The following SEZ6L variants were observed in gnomAD, a reference collection of about 807,000 sequenced individuals.
The protein encoded by SEZ6L is seizure 6-like protein.
A neutral mutation model predicts 106.2 loss-of-function variants in SEZ6L; 37 were observed. The observed-to-expected ratio is 0.35, with a 90% CI of 0.27 to 0.46. The LOEUF (loss-of-function observed/expected upper bound fraction) is 0.46. SEZ6L is among the 20% of genes least tolerant of loss of function. The pLI is 1.00. For missense variants in SEZ6L, 1,172 were observed against 1,332.8 expected, an observed-to-expected ratio of 0.88 and a Z score of 1.88; for synonymous variants, 541 against 570.4, an observed-to-expected ratio of 0.95 and a Z score of 0.73.
intron 1 of SEZ6L, among the ~76,000 whole-genome samples, chr22:26,285,142 C>T (rs1211942396): frequency 6.6e-6 from 1 of 152,146 alleles, no homozygotes; most frequent in East Asian, 1.9e-4. Context: ...AAGGTCTTCT[C>T]AAAGTGCAAA....
intron 10 of SEZ6L, among the ~76,000 whole-genome samples, chr22:26,342,482 G>T (rs528061112): frequency 6.6e-6 from 1 of 151,870 alleles, no homozygotes; most frequent in Admixed American, 6.5e-5. Flanking sequence ...GAGGTCAGGA[G>T]ATCGAGACCA....
rs532489065 is a variant in SEZ6L at position 26,382,255 on chromosome 22, A to T, written c.*1960A>T. On this transcript the variant is annotated 3_prime_UTR_variant, in exon 17 of 17. Transcript: ENST00000248933. Reference sequence around the variant, plus strand: ...TTGGAGAAAGATAACAACACAAATAATGTAACCTTTCCTTAAAAGGCAGAA... The same window carrying T: ...TTGGAGAAAGATAACAACACAAATATTGTAACCTTTCCTTAAAAGGCAGAA... 9.1e-5 allele frequency: 20 copies of T among 220,690 alleles called. No homozygotes were observed. The highest frequency in any genetic ancestry group is 3.4e-3 in the Middle Eastern group (2 of 596). 13.7% of individuals were successfully genotyped at this position (220,690 alleles called of 1,614,324 possible).
At chr22:26,217,714 A>T (rs187427307) in intron 1 of SEZ6L, among the ~76,000 whole-genome samples, 13 of 152,346 alleles carry the variant, frequency 8.5e-5, no homozygotes, top group Admixed American at 8.5e-4. Context: ...TTCTTTCAAG[A>T]TCAGCTTATA....
At chr22:26,238,773 T>C (rs2079025911) in intron 1 of SEZ6L, among the ~76,000 whole-genome samples, 1 of 152,250 alleles carries the variant, frequency 6.6e-6, no homozygotes, top group Non-Finnish European at 1.5e-5. Context: ...GTCACTTGAC[T>C]GAGGTTCATG....
At chr22:26,279,352 G>A (rs781269879) in intron 1 of SEZ6L, among the ~76,000 whole-genome samples, 21 of 152,274 alleles carry the variant, frequency 1.4e-4, no homozygotes, top group Non-Finnish European at 2.6e-4. Flanking sequence ...CCCAGCCACC[G>A]ACTCTGAGAG....
intron 1 of SEZ6L, among the ~76,000 whole-genome samples, chr22:26,218,431 G>A (rs908396566): frequency 2.0e-5 from 3 of 152,044 alleles, no homozygotes; most frequent in Admixed American, 2.0e-4. Context: ...AACAGGTCCT[G>A]GTATGTAATG....
chr22:26,327,758 C>T (rs774638453), intron 9 of SEZ6L, among the ~76,000 whole-genome samples: 4 of 152,198 alleles, frequency 2.6e-5, no homozygotes, highest in South Asian at 2.1e-4. Context: ...CATACACATC[C>T]GACCTCACCA....
chr22:26,241,712 T>G (rs1342007891), intron 1 of SEZ6L, among the ~76,000 whole-genome samples: 2 of 152,108 alleles, frequency 1.3e-5, no homozygotes, highest in Non-Finnish European at 2.9e-5. Flanking sequence ...CATTACATTT[T>G]AAAAACAAAC....
intron 1 of SEZ6L, among the ~76,000 whole-genome samples, chr22:26,225,296 T>A (rs1174310267): frequency 6.6e-6 from 1 of 152,196 alleles, no homozygotes; most frequent in African/African-American, 2.4e-5. Context: ...AGAGATTGGC[T>A]TGCCTCCCCC....
chr22:26,276,169 A>G (rs2080538141), intron 1 of SEZ6L, among the ~76,000 whole-genome samples: 1 of 152,244 alleles, frequency 6.6e-6, no homozygotes, highest in South Asian at 2.1e-4. Flanking sequence ...AAATGAGACC[A>G]ATTAAGCCTT....
At chr22:26,275,360 G>A (rs1333142792) in intron 1 of SEZ6L, among the ~76,000 whole-genome samples, 2 of 152,186 alleles carry the variant, frequency 1.3e-5, no homozygotes, top group Non-Finnish European at 2.9e-5. Context: ...TATGTTTAAG[G>A]TAGGCTAGGC....
rs150670671 is a variant in SEZ6L at position 26,363,870 on chromosome 22, G to C, written c.2600-1502G>C. On this transcript the variant is annotated intron_variant, in intron 12 of 16. Coordinates refer to ENST00000248933, the MANE Select transcript of SEZ6L (RefSeq NM_021115.5). ...TTTTGACACATCTTGCAACCTAGAT[G>C]AACCTTGAGGACATTATGCTAAGAG... Among the ~76,000 whole-genome samples, 5 of 152,316 alleles carry C rather than the reference G, an allele frequency of 3.3e-5. No individual in the cohort carries two copies. In the East Asian group the frequency reaches 9.6e-4, roughly 29 times the overall value.
At chr22:26,276,191 A>G (rs1310820459) in intron 1 of SEZ6L, among the ~76,000 whole-genome samples, 1 of 152,206 alleles carries the variant, frequency 6.6e-6, no homozygotes, top group African/African-American at 2.4e-5. Flanking sequence ...CATTTGTAAA[A>G]CTGCTTTCAA....
Position 26,305,997 on chromosome 22 carries a change from T to C in SEZ6L, c.1367T>C (p.Val456Ala), listed in dbSNP as rs1323504445. The change falls in exon 6 of 17, where the codon GTG (valine) becomes GCG (alanine). Residue 456 changes from valine to alanine, a missense_variant. Val to Ala is a moderately conservative substitution (Grantham distance 64). This residue lies in a region of SEZ6L where 534 missense variants were observed against 691.0 expected (regional missense o/e 0.77). Coordinates refer to ENST00000248933, the MANE Select transcript of SEZ6L (RefSeq NM_021115.5). ...PICSAPCGGA[V>A]HNATIGRVLS... ...GGATCAGCTCCTTGTGGAGGGGCAGTGCACAATGCCACCATCGGCCGCGTC... is the reference window on the plus strand; with the variant it reads ...GGATCAGCTCCTTGTGGAGGGGCAGCGCACAATGCCACCATCGGCCGCGTC... The C allele has an allele frequency of 6.2e-7, 1 of 1,613,380 alleles. No homozygotes were observed. The highest frequency in any genetic ancestry group is 8.5e-7 in the Non-Finnish European group (1 of 1,179,678).
At chr22:26,308,230 G>A (rs978388776) in intron 6 of SEZ6L, among the ~76,000 whole-genome samples, 1 of 151,902 alleles carries the variant, frequency 6.6e-6, no homozygotes, top group Admixed American at 6.5e-5. Context: ...AAAATGGAAG[G>A]AGATTGGATA....
At chr22:26,352,122 C>T (rs2083300406) in intron 12 of SEZ6L, among the ~76,000 whole-genome samples, 1 of 147,048 alleles carries the variant, frequency 6.8e-6, no homozygotes, top group Admixed American at 7.0e-5. Flanking sequence ...GATTATGTCA[C>T]TGTACCCTAG....
At chr22:26,220,795 G>A (rs1158858985) in intron 1 of SEZ6L, among the ~76,000 whole-genome samples, 9 of 152,184 alleles carry the variant, frequency 5.9e-5, no homozygotes, top group Non-Finnish European at 1.3e-4. Flanking sequence ...CACCCAGTAA[G>A]CACTCAGGTA....
intron 1 of SEZ6L, among the ~76,000 whole-genome samples, chr22:26,243,846 G>T (rs1490454222): frequency 6.6e-6 from 1 of 151,484 alleles, no homozygotes; most frequent in Non-Finnish European, 1.5e-5. Context: ...GAGGCCTGGC[G>T]TGGTGGCTCA....
intron 1 of SEZ6L, among the ~76,000 whole-genome samples, chr22:26,218,493 A>G (rs1158563453): frequency 6.6e-6 from 1 of 152,072 alleles, no homozygotes; most frequent in Admixed American, 6.6e-5. Context: ...TTTTATATAT[A>G]TTACTGAGAC....
Sources: allele counts gnomAD v4.1 joint callset (sites outside exome capture counted in the v4.1 genomes callset), GRCh38; gene constraint gnomAD v4.1.1; regional missense constraint gnomAD v4.1.1; transcripts MANE v1.5; gene names NCBI Gene and HGNC (gene_info 2026-07-23, HGNC 2026-07-21).